Variants in TRIM9 observed in about 807,000 individuals in gnomAD.
TRIM9 encodes the protein tripartite motif containing 9, also known as E3 ubiquitin-protein ligase TRIM9.
Under a neutral mutation model 78.3 loss-of-function variants are expected in TRIM9, and 26 were observed. That is an observed-to-expected ratio of 0.33 (90% CI 0.24 to 0.46). The LOEUF is 0.46. TRIM9 is among the 20% of genes least tolerant of loss of function. TRIM9 has a pLI of 1.00. For missense variants in TRIM9, 787 were observed against 1,036.4 expected (o/e 0.76, Z 3.30); for synonymous variants, 398 against 416.5 (o/e 0.96, Z 0.54).
chr14:51,039,721 G>A (rs899482954), intron 1 of TRIM9, among the ~76,000 whole-genome samples: 21 of 151,380 alleles, frequency 1.4e-4, no homozygotes, highest in Admixed American at 2.6e-4. Context: ...CCTCAGATTT[G>A]TATATTTTAT....
At chr14:51,050,387 C>T (rs2060305670) in intron 1 of TRIM9, among the ~76,000 whole-genome samples, 1 of 152,208 alleles carries the variant, frequency 6.6e-6, no homozygotes, top group African/African-American at 2.4e-5. Flanking sequence ...ACTTGGTTCT[C>T]ATTGCCTCTT....
intron 1 of TRIM9, among the ~76,000 whole-genome samples, chr14:51,079,410 C>G (rs1188555227): frequency 6.6e-6 from 1 of 152,142 alleles, no homozygotes; most frequent in Non-Finnish European, 1.5e-5. Context: ...CCAGGTTCTA[C>G]TAAGTATTTG....
intron 1 of TRIM9, among the ~76,000 whole-genome samples, chr14:51,043,923 G>A (rs1422724164): frequency 1.3e-5 from 2 of 152,030 alleles, no homozygotes; most frequent in African/African-American, 4.8e-5. Flanking sequence ...TATTAAATCT[G>A]GTCATATTGA....
intron 1 of TRIM9, among the ~76,000 whole-genome samples, chr14:51,080,106 T>C (rs189814491): frequency 2.8e-4 from 43 of 152,184 alleles, no homozygotes; most frequent in South Asian, 2.5e-3. Flanking sequence ...GTGTTTTCTG[T>C]GTGAGAGGCA....
chr14:51,060,185 G>A (rs539926057), intron 1 of TRIM9, among the ~76,000 whole-genome samples: 46 of 152,152 alleles, frequency 3.0e-4, no homozygotes, highest in Non-Finnish European at 4.1e-4. Context: ...CAGCATTTTC[G>A]TCATATTATT....
intron 1 of TRIM9, among the ~76,000 whole-genome samples, chr14:51,060,049 C>T (rs1285635462): frequency 6.6e-6 from 1 of 152,172 alleles, no homozygotes; most frequent in Non-Finnish European, 1.5e-5. Context: ...GTAGATTCCA[C>T]CAAACTGGGA....
chr14:50,979,245 C>A, intron 12 of TRIM9, 142 bp downstream of exon 12: 1 of 1,519,026 alleles, frequency 6.6e-7, no homozygotes, highest in East Asian at 2.4e-5. Flanking sequence ...GTGCTGATCC[C>A]TTTCTCTCCT....
intron 1 of TRIM9, among the ~76,000 whole-genome samples, chr14:51,057,079 T>G (rs183868478): frequency 3.9e-5 from 6 of 152,250 alleles, no homozygotes; most frequent in African/African-American, 9.6e-5. Context: ...GTAGCCAGCA[T>G]AGGCTCTCAG....
chr14:50,998,006 G>A, intron 7 of TRIM9, 44 bp downstream of exon 7: 1 of 1,612,402 alleles, frequency 6.2e-7, no homozygotes, highest in Non-Finnish European at 8.5e-7. Context: ...CACTTTAGAT[G>A]CCACGCAGTT....
intron 1 of TRIM9, among the ~76,000 whole-genome samples, chr14:51,069,537 T>A (rs900090672): frequency 2.0e-5 from 3 of 152,244 alleles, no homozygotes; most frequent in African/African-American, 7.2e-5. Context: ...TAGGCTGCAC[T>A]GAGAAACTGC....
rs1316774342 is a variant in TRIM9 at position 51,094,753 on chromosome 14, G to C, written c.187C>G (p.Leu63Val). 6.5e-7 allele frequency: 1 copy of C among 1,534,052 alleles called. No homozygotes were observed. The highest frequency in any genetic ancestry group is 1.4e-5 in the African/African-American group (1 of 72,172). The change falls in exon 1 of 13, where the codon CTG becomes GTG. Residue 63 changes from leucine to valine, a missense_variant. Transcript: ENST00000684578. ...TATAGGCTCATCTTGTCCAGGTCCA[G>C]ATAGTCATAGTCGGAGACCCCGGAG... ...AGSGVSDYDY[L>V]DLDKMSLYSE...
chr14:50,986,058 G>C lies in TRIM9; in HGVS notation c.1690C>G (p.Leu564Val). Residue 564 changes from leucine to valine, a missense_variant, in exon 8 of 13, where the codon CTT becomes GTT. By Grantham distance (32) the Leu-to-Val change is conservative. Around this residue, in one of 3 missense-constraint regions of TRIM9, gnomAD observed 421 missense variants for 514.3 expected, o/e 0.82. Coordinates refer to ENST00000684578, the MANE Select transcript of TRIM9 (RefSeq NM_001387360.1). ...LRRMSPFSSTLNLQPSFPGRS... is the reference protein window; with the variant it reads ...LRRMSPFSSTVNLQPSFPGRS... ...CCGGGGAAGCTGGGTTGTAGATTAA[G>C]GGTGGAGGAGAAAGGACTCATTCTA... The C allele has an allele frequency of 6.5e-7, 1 of 1,550,114 alleles. No homozygotes were observed. The highest frequency in any genetic ancestry group is 8.7e-7 in the Non-Finnish European group (1 of 1,146,704).
At chr14:50,990,078 G>A (rs151042288) in intron 7 of TRIM9, among the ~76,000 whole-genome samples, 1 of 152,288 alleles carries the variant, frequency 6.6e-6, no homozygotes. Flanking sequence ...GTGTAGTGGT[G>A]TTGATCATAG....
intron 5 of TRIM9, among the ~76,000 whole-genome samples, chr14:51,001,940 C>G (rs1299300661): frequency 6.6e-6 from 1 of 152,300 alleles, no homozygotes; most frequent in Admixed American, 6.5e-5. Context: ...GTCTGTCATG[C>G]TGTTACGAGT....
intron 1 of TRIM9, among the ~76,000 whole-genome samples, chr14:51,063,629 T>C (rs2061514684): frequency 6.6e-6 from 1 of 152,036 alleles, no homozygotes; most frequent in Non-Finnish European, 1.5e-5. Context: ...AGTGACACTA[T>C]AAGTAACAGC....
intron 1 of TRIM9, among the ~76,000 whole-genome samples, chr14:51,073,814 G>GT (rs1295642965): frequency 6.6e-6 from 1 of 152,040 alleles, no homozygotes; most frequent in Non-Finnish European, 1.5e-5. Context: ...CTTTTTTGTT[G>GT]TTTTTTGCAG....
At chr14:51,002,366 C>G (rs1406769767) in intron 5 of TRIM9, among the ~76,000 whole-genome samples, 2 of 151,916 alleles carry the variant, frequency 1.3e-5, no homozygotes, top group East Asian at 3.9e-4. Context: ...GATCTACTGA[C>G]CTCATGATCC....
At chr14:50,981,700 T>C in intron 11 of TRIM9, 100 bp downstream of exon 11, 1 of 1,473,516 alleles carries the variant, frequency 6.8e-7, no homozygotes, top group Non-Finnish European at 9.3e-7. Flanking sequence ...ACCTGTTTGA[T>C]TTCCTGAATG....
intron 3 of TRIM9, among the ~76,000 whole-genome samples, chr14:51,013,655 G>A (rs1190003277): frequency 6.6e-6 from 1 of 151,858 alleles, no homozygotes; most frequent in East Asian, 1.9e-4. Context: ...GTGAGTTTTG[G>A]GGGGATCAAA....
Sources: gnomAD v4.1 joint callset for allele counts (sites outside exome capture counted in the v4.1 genomes callset) on GRCh38, gnomAD v4.1.1 for gene constraint, gnomAD v4.1.1 regional missense constraint, MANE v1.5 for transcripts, NCBI Gene and HGNC (gene_info 2026-07-23, HGNC 2026-07-21) for gene names.